Variants in FBXO34 observed in about 807,000 individuals in gnomAD.
FBXO34 encodes the protein F-box only protein 34.
Under a neutral mutation model 24.5 loss-of-function variants are expected in FBXO34, and 12 were observed. That is an observed-to-expected ratio of 0.49 (90% CI 0.31 to 0.79). The LOEUF (loss-of-function observed/expected upper bound fraction) is 0.79, where lower values mean the gene tolerates loss of function less well. Ranked by LOEUF, FBXO34 falls within the 30% of genes least tolerant of loss-of-function variation. FBXO34 has a pLI of 0.04. For missense variants in FBXO34, 823 were observed against 857.7 expected, an observed-to-expected ratio of 0.96 and a Z score of 0.51; for synonymous variants, 320 against 311.9, an observed-to-expected ratio of 1.03 and a Z score of -0.27.
At chr14:55,440,339 G>A in the FBXO34 span, 5 of 1,598,400 alleles carry the variant, frequency 3.1e-6, no homozygotes, top group Admixed American at 5.2e-5. Flanking sequence ...CAAAGCCCTT[G>A]GCACAGGACC....
chr14:55,331,060 G>C (rs1410490606), intron 1 of FBXO34, among the ~76,000 whole-genome samples: 1 of 152,194 alleles, frequency 6.6e-6, no homozygotes, highest in Non-Finnish European at 1.5e-5. Flanking sequence ...TAGGAGAAAT[G>C]ATTGCTTGAA....
At chr14:55,442,472 T>G in the FBXO34 span, among the ~76,000 whole-genome samples, 1 of 151,980 alleles carries the variant, frequency 6.6e-6, no homozygotes, top group African/African-American at 2.4e-5. Context: ...AGAATTTTGA[T>G]AACTAATTTT....
the FBXO34 span, among the ~76,000 whole-genome samples, chr14:55,408,331 T>C: frequency 2.6e-5 from 4 of 152,240 alleles, no homozygotes; most frequent in East Asian, 7.8e-4. Flanking sequence ...GATGTGCGCC[T>C]GTAGTCCCAG....
At chr14:55,428,233 C>T in the FBXO34 span, among the ~76,000 whole-genome samples, 1 of 143,654 alleles carries the variant, frequency 7.0e-6, no homozygotes, top group African/African-American at 2.6e-5. Flanking sequence ...GGGTTCTGGC[C>T]ATTCTTCTGC....
At chr14:55,420,384 C>G in the FBXO34 span, among the ~76,000 whole-genome samples, 2 of 152,164 alleles carry the variant, frequency 1.3e-5, no homozygotes, top group Non-Finnish European at 2.9e-5. Flanking sequence ...TGAAAAGAGT[C>G]TAGAGACACA....
At chr14:55,428,665 G>C in the FBXO34 span, 1 of 856,544 alleles carries the variant, frequency 1.2e-6, no homozygotes, top group Non-Finnish European at 1.7e-6. Flanking sequence ...CTCAGGCATA[G>C]CATCTTAATC....
chr14:55,439,248 G>C, the FBXO34 span, among the ~76,000 whole-genome samples: 1 of 142,964 alleles, frequency 7.0e-6, no homozygotes, highest in Non-Finnish European at 1.5e-5. Flanking sequence ...CCAATGCTAA[G>C]GATTTTTAAG....
At chr14:55,433,743 G>A in the FBXO34 span, 1 of 1,608,786 alleles carries the variant, frequency 6.2e-7, no homozygotes, top group South Asian at 1.1e-5. Context: ...AACCAAAAGA[G>A]AATTAGCCTC....
At chr14:55,421,956 T>C in the FBXO34 span, among the ~76,000 whole-genome samples, 1 of 152,208 alleles carries the variant, frequency 6.6e-6, no homozygotes, top group African/African-American at 2.4e-5. Context: ...TATAAAATTC[T>C]AGTTTGGAGG....
Position 55,350,415 on chromosome 14 carries a change from C to G in FBXO34, c.25C>G (p.Leu9Val). The G allele has an allele frequency of 6.3e-7, 1 of 1,592,002 alleles. No homozygotes were observed. The highest frequency in any genetic ancestry group is 8.5e-7 in the Non-Finnish European group (1 of 1,172,192). Residue 9 changes from leucine (L) to valine (V), a missense_variant, in exon 2 of 2, where the codon CTC becomes GTC. By Grantham distance (32) the Leu-to-Val change is conservative. Transcript: ENST00000313833. ...TATGCACCTAAAGCCATATTGGAAG[C>G]TCCAGAAGAAAGAGCACCCCCCGGA... Reference protein sequence around the residue: MHLKPYWKLQKKEHPPEVS... With the variant: MHLKPYWKVQKKEHPPEVS...
the FBXO34 span, among the ~76,000 whole-genome samples, chr14:55,388,948 C>CTT: frequency 1.3e-5 from 2 of 148,922 alleles, no homozygotes; most frequent in East Asian, 3.9e-4. Flanking sequence ...CACGTTGAAG[C>CTT]TTTTTTTTTT....
the FBXO34 span, chr14:55,395,299 G>A: frequency 3.6e-6 from 1 of 277,414 alleles, no homozygotes; most frequent in Admixed American, 4.8e-5. Context: ...CCTCAGCAAA[G>A]CCGGGCTGCC....
the FBXO34 span, among the ~76,000 whole-genome samples, chr14:55,375,751 C>T: frequency 1.3e-5 from 2 of 152,134 alleles, no homozygotes; most frequent in Non-Finnish European, 2.9e-5. Flanking sequence ...TATAAATACA[C>T]TTCACTTCTT....
chr14:55,302,242 C>T lies in FBXO34; in HGVS notation c.-11+30705C>T, dbSNP rs1263626143. On this transcript the variant is annotated intron_variant, in intron 1 of 1. Coordinates refer to ENST00000313833, the MANE Select transcript of FBXO34 (RefSeq NM_017943.4). The stretch of plus-strand genomic sequence containing the variant: ...GAACTTCTAGGTTTGAATAGCGGGA[C>T]ATTACATGGAGGTGATTTTTTGGAA... 2.0e-5 allele frequency among the ~76,000 whole-genome samples: 3 copies of T among 152,086 alleles called. No individual in the cohort carries two copies. The South Asian group carries it at 6.2e-4, about 32-fold the overall frequency.
chr14:55,317,580 A>C (rs1158828576), intron 1 of FBXO34, among the ~76,000 whole-genome samples: 1 of 152,208 alleles, frequency 6.6e-6, no homozygotes, highest in South Asian at 2.1e-4. Flanking sequence ...ATGCTCTCCT[A>C]TTCTGTTTAT....
intron 1 of FBXO34, among the ~76,000 whole-genome samples, chr14:55,336,724 C>G (rs1034439304): frequency 1.3e-5 from 2 of 151,784 alleles, no homozygotes; most frequent in Admixed American, 1.3e-4. Context: ...CAGGAAATCC[C>G]AGACATTATA....
the FBXO34 span, among the ~76,000 whole-genome samples, chr14:55,408,160 A>G: frequency 6.6e-6 from 1 of 152,184 alleles, no homozygotes; most frequent in South Asian, 2.1e-4. Context: ...GAAGTTAAGA[A>G]ACTTGCTCAG....
At chr14:55,338,953 A>G (rs1423605059) in intron 1 of FBXO34, among the ~76,000 whole-genome samples, 2 of 152,152 alleles carry the variant, frequency 1.3e-5, no homozygotes, top group African/African-American at 4.8e-5. Context: ...AACCCCCCAA[A>G]AAAACCAGTT....
intron 1 of FBXO34, among the ~76,000 whole-genome samples, chr14:55,294,059 C>A (rs1359763218): frequency 6.6e-6 from 1 of 152,054 alleles, no homozygotes; most frequent in Non-Finnish European, 1.5e-5. Context: ...AATGTTTTCT[C>A]ATCTATCACC....
Sources: allele counts gnomAD v4.1 joint callset (sites outside exome capture counted in the v4.1 genomes callset), GRCh38; gene constraint gnomAD v4.1.1; transcripts MANE v1.5; gene names NCBI Gene and HGNC (gene_info 2026-07-23, HGNC 2026-07-21).